The following SPON1 variants were observed in gnomAD, a reference collection of about 807,000 sequenced individuals.
The protein encoded by SPON1 is spondin-1.
SPON1 carries 52 observed loss-of-function variants against 111.7 expected under a neutral mutation model. The observed-to-expected ratio is 0.47, with a 90% CI of 0.37 to 0.59. The LOEUF (loss-of-function observed/expected upper bound fraction) is 0.59. Among genes scored for constraint, SPON1 ranks in the 20% least tolerant of loss-of-function variants. The pLI is 0.00. For synonymous variants in SPON1, 410 were observed against 395.8 expected (o/e 1.04, Z -0.43); for missense variants, 957 against 1,068.5 (o/e 0.90, Z 1.46).
At chr11:14,068,567 G>T (rs1848850927) in intron 3 of SPON1, among the ~76,000 whole-genome samples, 2 of 152,190 alleles carry the variant, frequency 1.3e-5, no homozygotes, top group Non-Finnish European at 2.9e-5. Context: ...GGCCACAGAT[G>T]GTGGGCCTGC....
At chr11:14,036,099 G>A (rs1848592471) in intron 2 of SPON1, among the ~76,000 whole-genome samples, 1 of 152,206 alleles carries the variant, frequency 6.6e-6, no homozygotes, top group Non-Finnish European at 1.5e-5. Context: ...CACAATGTGA[G>A]GCTAGAGGCA....
intron 2 of SPON1, among the ~76,000 whole-genome samples, chr11:13,987,507 G>C (rs1326694492): frequency 2.0e-5 from 3 of 152,142 alleles, no homozygotes; most frequent in African/African-American, 7.2e-5. Flanking sequence ...TAGGTTGCCT[G>C]TTCACTCTGA....
chr11:14,041,633 G>T lies in SPON1; in HGVS notation c.458G>T (p.Gly153Val), dbSNP rs543468968. 1.2e-6 allele frequency: 2 copies of T among 1,613,808 alleles called. No individual in the cohort carries two copies. The highest frequency in any genetic ancestry group is 4.5e-5 in the East Asian group (2 of 44,876). Residue 153 changes from glycine (G) to valine (V), a missense_variant, in exon 3 of 16, where the codon GGA (glycine) becomes GTA (valine). Transcript: ENST00000576479. ...IQVFWIAPPAGTGCVILKASI... is the reference protein window; with the variant it reads ...IQVFWIAPPAVTGCVILKASI... Reference sequence around the variant, plus strand: ...GTGTTTTGGATAGCACCACCAGCGGGAACAGGCTGCGTGATTCTGAAGTAA... The same window carrying T: ...GTGTTTTGGATAGCACCACCAGCGGTAACAGGCTGCGTGATTCTGAAGTAA...
At chr11:14,252,371 CGCAGA>C (rs1554940742) in intron 7 of SPON1, among the ~76,000 whole-genome samples, 72 of 142,450 alleles carry the variant, frequency 5.1e-4, no homozygotes, top group East Asian at 4.3e-3. Flanking sequence ...GCAAGACCTG[CGCAGA>C]GTGTGGGAAT....
chr11:14,048,340 A>G (rs1218766646), intron 3 of SPON1, among the ~76,000 whole-genome samples: 1 of 152,208 alleles, frequency 6.6e-6, no homozygotes, highest in Admixed American at 6.5e-5. Context: ...CCTCACTTGT[A>G]AAAAGGAGCA....
chr11:14,183,512 C>T (rs1370458565), intron 6 of SPON1, among the ~76,000 whole-genome samples: 1 of 152,196 alleles, frequency 6.6e-6, no homozygotes, highest in African/African-American at 2.4e-5. Flanking sequence ...AGTAAGTTTT[C>T]TCCCCTATTA....
intron 6 of SPON1, among the ~76,000 whole-genome samples, chr11:14,155,726 C>G (rs1554930337): frequency 7.1e-6 from 1 of 141,402 alleles, no homozygotes; most frequent in Non-Finnish European, 1.6e-5. Context: ...GTTCAATTCC[C>G]ACCTATGAGT....
intron 2 of SPON1, among the ~76,000 whole-genome samples, chr11:13,994,469 A>C (rs963356760): frequency 1.3e-5 from 2 of 152,162 alleles, no homozygotes; most frequent in African/African-American, 4.8e-5. Flanking sequence ...ACCTGCACTC[A>C]ACAAAATGGA....
At chr11:14,196,674 G>A (rs1848406136) in intron 6 of SPON1, among the ~76,000 whole-genome samples, 1 of 152,182 alleles carries the variant, frequency 6.6e-6, no homozygotes, top group African/African-American at 2.4e-5. Flanking sequence ...TCCCCTAGGT[G>A]TTTCCCTGTG....
chr11:14,227,083 C>G (rs1251724706), intron 6 of SPON1, among the ~76,000 whole-genome samples: 1 of 152,212 alleles, frequency 6.6e-6, no homozygotes, highest in Non-Finnish European at 1.5e-5. Flanking sequence ...TATAATGAAG[C>G]ATTCACAGGA....
intron 2 of SPON1, among the ~76,000 whole-genome samples, chr11:13,983,258 T>C (rs1848158311): frequency 6.6e-6 from 1 of 152,352 alleles, no homozygotes; most frequent in South Asian, 2.1e-4. Flanking sequence ...CCTGGCTGTT[T>C]TGCCTGCACA....
chr11:14,259,204 G>T lies in SPON1; in HGVS notation c.1493-76G>T. ...TGACTCCTCTTGATTCCCGCTGGCG[G>T]GAAGTTCCCACCGCGCAGCCTGGCA... On this transcript the variant is annotated intron_variant, in intron 11 of 15. Transcript: ENST00000576479. This position sits in a 1 kb window ranked among gnomAD's most constrained non-coding sequence, Gnocchi z 5.0. 1 of 1,464,032 alleles carries T rather than the reference G, an allele frequency of 6.8e-7. No homozygotes were observed. The highest frequency in any genetic ancestry group is 9.1e-7 in the Non-Finnish European group (1 of 1,097,578). 90.7% of individuals were successfully genotyped at this position (1,464,032 alleles called of 1,614,324 possible).
At chr11:14,047,450 T>A (rs1554917942) in intron 3 of SPON1, among the ~76,000 whole-genome samples, 1 of 152,154 alleles carries the variant, frequency 6.6e-6, no homozygotes, top group Non-Finnish European at 1.5e-5. Flanking sequence ...TACCAGACAT[T>A]GAGAAAGATT....
chr11:14,222,261 G>A (rs1848688487), intron 6 of SPON1, among the ~76,000 whole-genome samples: 1 of 152,292 alleles, frequency 6.6e-6, no homozygotes, highest in East Asian at 1.9e-4. Context: ...TGTGACATAA[G>A]CCAGGTTTCA....
At chr11:14,117,476 A>G (rs1849275328) in intron 5 of SPON1, among the ~76,000 whole-genome samples, 1 of 152,126 alleles carries the variant, frequency 6.6e-6, no homozygotes, top group Non-Finnish European at 1.5e-5. Context: ...GATGAATTGT[A>G]TTGATTAAAT....
At chr11:14,187,011 C>T (rs890861475) in intron 6 of SPON1, among the ~76,000 whole-genome samples, 18 of 152,210 alleles carry the variant, frequency 1.2e-4, no homozygotes, top group Admixed American at 1.1e-3. Context: ...TTATTTGGCT[C>T]ATGGCTCTGC....
chr11:14,148,997 A>G (rs1257565171), intron 6 of SPON1, among the ~76,000 whole-genome samples: 2 of 152,254 alleles, frequency 1.3e-5, no homozygotes, highest in Non-Finnish European at 2.9e-5. Context: ...CCTTAAGATT[A>G]TAATGGAGCT....
chr11:14,204,349 G>A (rs1409161283), intron 6 of SPON1, among the ~76,000 whole-genome samples: 1 of 152,094 alleles, frequency 6.6e-6, no homozygotes, highest in South Asian at 2.1e-4. Context: ...TGGCATGATC[G>A]CAGCTGACTG....
chr11:14,095,496 A>G (rs1849093546), intron 5 of SPON1, among the ~76,000 whole-genome samples: 1 of 152,142 alleles, frequency 6.6e-6, no homozygotes, highest in African/African-American at 2.4e-5. Context: ...ATGGAGGCTG[A>G]GAAGTTCCAC....
Sources: allele counts gnomAD v4.1 joint callset (sites outside exome capture counted in the v4.1 genomes callset), GRCh38; gene constraint gnomAD v4.1.1; non-coding constraint Gnocchi (gnomAD v3.1); transcripts MANE v1.5; gene names NCBI Gene and HGNC (gene_info 2026-07-23, HGNC 2026-07-21).